The following NLRP9 variants were observed in gnomAD, a reference collection of about 807,000 sequenced individuals.
NLRP9 encodes the protein NLR family pyrin domain containing 9.
A neutral mutation model predicts 83.1 loss-of-function variants in NLRP9; 88 were observed. That is an observed-to-expected ratio of 1.06 (90% CI 0.89 to 1.26). NLRP9 has a LOEUF of 1.26. NLRP9 is among the 50% of genes most tolerant of loss of function. The pLI, the probability that NLRP9 is intolerant of heterozygous loss-of-function variation, is 0.00. For missense variants in NLRP9, 1,308 were observed against 1,179.3 expected, an observed-to-expected ratio of 1.11 and a Z score of -1.60; for synonymous variants, 521 against 447.6, an observed-to-expected ratio of 1.16 and a Z score of -2.07.
chr19:55,732,473 G>A lies in NLRP9; in HGVS notation c.1358C>T (p.Ala453Val). The A allele has an allele frequency of 6.2e-7, 1 of 1,614,154 alleles. No individual in the cohort carries two copies. Among genetic ancestry groups the A allele is most frequent in the Non-Finnish European group, 8.5e-7 (1 of 1,180,022 alleles). Residue 453 changes from alanine (A) to valine (V), a missense_variant, in exon 2 of 9, where the codon GCC becomes GTC. Ala to Val is a moderately conservative substitution (Grantham distance 64, BLOSUM62 0). Transcript: ENST00000332836. ...TCGTTTGAGCAAATAAAACATGGCG[G>A]CACAAAACTCTTGGATACACAGATG... Reference protein sequence around the residue: ...FMHLCIQEFCAAMFYLLKRPK... With the variant: ...FMHLCIQEFCVAMFYLLKRPK...
At chr19:55,734,566 TACAC>T (rs1224171301) in intron 1 of NLRP9, among the ~76,000 whole-genome samples, 5 of 147,934 alleles carry the variant, frequency 3.4e-5, no homozygotes, top group South Asian at 2.1e-4. Flanking sequence ...CACACATATA[TACAC>T]ACATATACAT....
chr19:55,723,700 C>T (rs1283293491), intron 4 of NLRP9, among the ~76,000 whole-genome samples: 1 of 143,686 alleles, frequency 7.0e-6, no homozygotes, highest in East Asian at 2.0e-4. Flanking sequence ...TGCACTCCAG[C>T]CTGGGCAACA....
chr19:55,719,635 GCTC>G (rs1233111085), intron 4 of NLRP9, among the ~76,000 whole-genome samples: 1 of 152,202 alleles, frequency 6.6e-6, no homozygotes, highest in Non-Finnish European at 1.5e-5. Flanking sequence ...CGCATAGAAA[GCTC>G]CTCATTCTTC....
intron 3 of NLRP9, among the ~76,000 whole-genome samples, chr19:55,725,055 G>A (rs1988358285): frequency 6.6e-6 from 1 of 151,942 alleles, no homozygotes; most frequent in Non-Finnish European, 1.5e-5. Context: ...GTGAAACTGT[G>A]TCTCAAAAAA....
intron 4 of NLRP9, among the ~76,000 whole-genome samples, chr19:55,718,410 A>G (rs1288904563): frequency 6.6e-6 from 1 of 152,146 alleles, no homozygotes; most frequent in Non-Finnish European, 1.5e-5. Flanking sequence ...CTGGGAATGG[A>G]ATGTCTAGGT....
chr19:55,716,096 C>T (rs971985442), intron 5 of NLRP9, among the ~76,000 whole-genome samples: 3 of 151,928 alleles, frequency 2.0e-5, no homozygotes, highest in Admixed American at 6.6e-5. Context: ...CACAATGTAC[C>T]GTATACTTCG....
chr19:55,733,609 C>G, intron 1 of NLRP9, 59 bp from the exon 2 acceptor site: 1 of 1,031,502 alleles, frequency 9.7e-7, no homozygotes, highest in Non-Finnish European at 1.4e-6. Flanking sequence ...TTTTATACTT[C>G]TGAGAACTGT....
rs568593996 is a variant in NLRP9 at position 55,738,355 on chromosome 19, GAA to G, written c.18_19del (p.Ser7GlyfsTer20). 3 of 1,609,514 alleles carry G rather than the reference GAA, an allele frequency of 1.9e-6. No homozygotes were observed. The highest frequency in any genetic ancestry group is 4.5e-5 in the East Asian group (2 of 44,874). On this transcript the variant is annotated frameshift_variant, in exon 1 of 9. Coordinates refer to ENST00000332836, the MANE Select transcript of NLRP9 (RefSeq NM_176820.4). LOFTEE classifies it high-confidence loss of function. Reference sequence around the variant, plus strand: ...CAGATACCACAACAAGCCAAAATCCGAAAAAAAAGATTCTGCCATATCGCCCC... The same window carrying G: ...CAGATACCACAACAAGCCAAAATCCGAAAAAAGATTCTGCCATATCGCCCC...
Position 55,708,521 on chromosome 19 carries a change from A to G in NLRP9, c.*391T>C, listed in dbSNP as rs1329576433. The G allele has an allele frequency of 6.4e-6, 1 of 157,146 alleles. No individual in the cohort carries two copies. Among genetic ancestry groups the G allele is most frequent in the Non-Finnish European group, 1.4e-5 (1 of 71,532 alleles). 9.7% of individuals were successfully genotyped at this position (157,146 alleles called of 1,614,324 possible). A position where few individuals can be genotyped will look rare whatever the true frequency, so the allele number is the denominator to read the frequency against. The stretch of plus-strand genomic sequence containing the variant: ...AGAAAGTCTGGATGCTAGCAATACA[A>G]TCTATAGACACATTCTAGCATCACT... On this transcript the variant is annotated 3_prime_UTR_variant, in exon 9 of 9. Transcript: ENST00000332836.
chr19:55,732,529 G>C lies in NLRP9; in HGVS notation c.1302C>G (p.Leu434=). The C allele has an allele frequency of 2.5e-6, 4 of 1,614,178 alleles. No homozygotes were observed. The highest frequency in any genetic ancestry group is 3.4e-6 in the Non-Finnish European group (4 of 1,180,036). ...EGVMWVGMRL[L]QRRGDCFAFM... is the part of the protein sequence containing the mutation. ...AGGCAAAACAGTCCCCTCTCCTTTG[G>C]AGGAGTCTCATACCCACCCACATCA... The change falls in exon 2 of 9, where the codon CTC becomes CTG. Residue 434 remains leucine, a synonymous_variant. Coordinates refer to ENST00000332836, the MANE Select transcript of NLRP9 (RefSeq NM_176820.4).
At chr19:55,725,302 G>C (rs944112218) in intron 3 of NLRP9, among the ~76,000 whole-genome samples, 2 of 152,094 alleles carry the variant, frequency 1.3e-5, no homozygotes, top group African/African-American at 4.8e-5. Flanking sequence ...TTATTAGCCT[G>C]ATAAATGTGT....
At chr19:55,734,513 A>T (rs1226775449) in intron 1 of NLRP9, among the ~76,000 whole-genome samples, 2 of 102,130 alleles carry the variant, frequency 2.0e-5, no homozygotes, top group African/African-American at 3.7e-5. Context: ...GTACACATAT[A>T]TATACACACA....
intron 1 of NLRP9, among the ~76,000 whole-genome samples, chr19:55,736,162 T>C (rs1238843967): frequency 2.7e-5 from 4 of 150,778 alleles, no homozygotes; most frequent in Non-Finnish European, 4.4e-5. Flanking sequence ...GAGGCTGAGG[T>C]GGGTGGATCA....
intron 1 of NLRP9, among the ~76,000 whole-genome samples, chr19:55,735,979 C>T (rs112217041): frequency 0.18 from 27,125 of 151,934 alleles, 3,079 homozygotes; most frequent in Non-Finnish European, 0.27. Flanking sequence ...TGAGCCACCA[C>T]GCCTGGCAAA....
At position 55,729,891 on chromosome 19, in the gene NLRP9, G is replaced by C. The variant is rs1333935822; in HGVS notation, c.1934C>G (p.Pro645Arg). ...CGCTTTGCAAAGAATCGCCAGGGAG[G>C]GATCATCGAGGCTGGTATTTTCCAT... ...LDMENTSLDD[P>R]SLAILCKALA... Residue 645 changes from proline (P) to arginine (R), a missense_variant, in exon 3 of 9, where the codon CCC becomes CGC. Coordinates refer to ENST00000332836, the MANE Select transcript of NLRP9 (RefSeq NM_176820.4). The C allele has an allele frequency of 9.9e-6, 16 of 1,613,550 alleles. No homozygotes were observed. Among genetic ancestry groups the C allele is most frequent in the African/African-American group, 4.0e-5 (3 of 74,898 alleles).
Position 55,732,971 on chromosome 19 carries a change from AAC to A in NLRP9, c.858_859del (p.Met286IlefsTer14). 1 of 1,614,138 alleles carries A rather than the reference AAC, an allele frequency of 6.2e-7. No homozygotes were observed. The highest frequency in any genetic ancestry group is 8.5e-7 in the Non-Finnish European group (1 of 1,179,958). On this transcript the variant is annotated frameshift_variant, in exon 2 of 9. Transcript: ENST00000332836. LOFTEE classifies it high-confidence loss of function. ...GAGCTTTATGAGTTTTGGATGCCGCAACATAAAATAGTGTTTTTGCATAGCCA... is the reference window on the plus strand; with the variant it reads ...GAGCTTTATGAGTTTTGGATGCCGCAATAAAATAGTGTTTTTGCATAGCCA...
chr19:55,711,698 A>G (rs1479627868), intron 8 of NLRP9, 102 bp downstream of exon 8: 6 of 1,201,706 alleles, frequency 5.0e-6, no homozygotes, highest in Non-Finnish European at 7.2e-6. Flanking sequence ...CACCACAAAC[A>G]ACCCTCCAGC....
In NLRP9 at chr19:55,712,409, T is replaced by C. The variant is rs752544301; in HGVS notation, c.2672+11A>G. The C allele has an allele frequency of 1.9e-6, 3 of 1,603,672 alleles. No individual in the cohort carries two copies. The highest frequency in any genetic ancestry group is 1.7e-5 in the Admixed American group (1 of 59,904). ...TAAATTTTCCTACGATGGTGATCAGTAGATACTCACCCGAGACACTCTAAT... is the reference window on the plus strand; with the variant it reads ...TAAATTTTCCTACGATGGTGATCAGCAGATACTCACCCGAGACACTCTAAT... On this transcript the variant is annotated intron_variant, in intron 7 of 8. Coordinates refer to ENST00000332836, the MANE Select transcript of NLRP9 (RefSeq NM_176820.4).
At position 55,733,483 on chromosome 19, in the gene NLRP9, A is replaced by G. The variant is rs763803867; in HGVS notation, c.348T>C (p.Cys116=). 19 of 1,613,100 alleles carry G rather than the reference A, an allele frequency of 1.2e-5. No individual in the cohort carries two copies. The Admixed American group carries it at 3.2e-4, about 27-fold the overall frequency. ...TFQLIWEKET[C]LHVPEHFYKE... ...TGTAGAAATGCTCAGGGACGTGAAG[A>G]CAGGTTTCCTTCTCCCATATGAGTT... The change falls in exon 2 of 9, where the codon TGT becomes TGC. Residue 116 remains cysteine, a synonymous_variant. Transcript: ENST00000332836.
Sources: gnomAD v4.1 joint callset for allele counts (sites outside exome capture counted in the v4.1 genomes callset) on GRCh38, gnomAD v4.1.1 for gene constraint, MANE v1.5 for transcripts, NCBI Gene and HGNC (gene_info 2026-07-23, HGNC 2026-07-21) for gene names.